Variants in CPNE4 observed in about 807,000 individuals in gnomAD.
CPNE4 encodes copine-4.
CPNE4 carries 25 observed loss-of-function variants against 67.9 expected under a neutral mutation model. That is an observed-to-expected ratio of 0.37 (90% CI 0.27 to 0.51). The LOEUF (loss-of-function observed/expected upper bound fraction) is 0.51. Ranked by LOEUF, CPNE4 falls within the 20% of genes least tolerant of loss-of-function variation. The probability of loss-of-function intolerance (pLI) is 0.93; values close to 1 mark genes in which losing one functional copy is unlikely to be tolerated. For missense variants in CPNE4, 464 were observed against 690.8 expected, an observed-to-expected ratio of 0.67 and a Z score of 3.68; for synonymous variants, 242 against 244.9, an observed-to-expected ratio of 0.99 and a Z score of 0.11.
Position 132,018,174 on chromosome 3 carries a change from A to T in CPNE4, c.-2+16393T>A, listed in dbSNP as rs1009601789. ...TTAATGTATATATTTTTAAAAAAGA[A>T]TTTTGCCACATAGAAGACATCTATT... On this transcript the variant is annotated intron_variant, in intron 1 of 15. Transcript: ENST00000429747. Among the ~76,000 whole-genome samples the T allele has an allele frequency of 3.6e-5, 5 of 137,418 alleles. No individual in the cohort carries two copies. The East Asian group carries it at 1.0e-3, about 28-fold the overall frequency. The allele number at this position is 137,418 out of a possible 152,430, so 90.2% of individuals were successfully genotyped here.
chr3:131,912,314 C>A (rs2089008737), intron 1 of CPNE4, among the ~76,000 whole-genome samples: 1 of 152,130 alleles, frequency 6.6e-6, no homozygotes. Context: ...CAATAGAGAA[C>A]TCAAGAGGGA....
At chr3:131,974,472 ACT>A (rs1227928115) in intron 1 of CPNE4, among the ~76,000 whole-genome samples, 3 of 152,076 alleles carry the variant, frequency 2.0e-5, no homozygotes, top group Non-Finnish European at 4.4e-5. Flanking sequence ...AGCTTAAATG[ACT>A]CTAACAGATG....
intron 2 of CPNE4, among the ~76,000 whole-genome samples, chr3:131,854,278 A>G (rs907630383): frequency 6.6e-6 from 1 of 151,946 alleles, no homozygotes; most frequent in African/African-American, 2.4e-5. Context: ...CAAACAAAAA[A>G]GAGTACATTT....
At chr3:131,646,945 T>C (rs148519067) in intron 7 of CPNE4, among the ~76,000 whole-genome samples, 1 of 152,282 alleles carries the variant, frequency 6.6e-6, no homozygotes, top group East Asian at 1.9e-4. Flanking sequence ...TACTCACAGA[T>C]GGTACCATTC....
intron 10 of CPNE4, among the ~76,000 whole-genome samples, chr3:131,567,566 G>A (rs1937123128): frequency 6.6e-6 from 1 of 151,922 alleles, no homozygotes; most frequent in African/African-American, 2.4e-5. Context: ...TACGTCTCTT[G>A]CTTTACCTCC....
intron 1 of CPNE4, among the ~76,000 whole-genome samples, chr3:131,930,212 C>A (rs565769590): frequency 5.5e-4 from 83 of 152,130 alleles, no homozygotes; most frequent in Non-Finnish European, 4.9e-4. Context: ...AGATGGCACA[C>A]CGAAATTAGG....
At chr3:131,956,567 TATC>T (rs150885812) in intron 1 of CPNE4, among the ~76,000 whole-genome samples, 8,003 of 151,992 alleles carry the variant, frequency 0.053, 418 homozygotes, top group African/African-American at 0.13. Flanking sequence ...AAGCTGAAAT[TATC>T]ATAAATGTAT....
rs141562631 is a variant in CPNE4, at chr3:131,588,714, C to T, written c.682-1132G>A. Among the ~76,000 whole-genome samples the T allele has an allele frequency of 9.4e-4, 143 of 152,246 alleles. No homozygotes were observed. The South Asian group carries it at 0.017, about 18-fold the overall frequency. On this transcript the variant is annotated intron_variant, in intron 7 of 15. Transcript: ENST00000429747. ...TTTCTGTCACAGTGAATTGCATCAA[C>T]ACTCATTCAGTTACTACAAACAGAA...
Position 132,032,515 on chromosome 3 carries a change from T to A in CPNE4, c.-2+2052A>T, listed in dbSNP as rs150258580. On this transcript the variant is annotated intron_variant, in intron 1 of 15. Coordinates refer to ENST00000429747, the MANE Select transcript of CPNE4 (RefSeq NM_130808.3). Reference sequence around the variant, plus strand: ...AAAGTCACCTCATTCTGATGTGTTTTGAGTTTGATCCTCTAAAACCATAAG... The same window carrying A: ...AAAGTCACCTCATTCTGATGTGTTTAGAGTTTGATCCTCTAAAACCATAAG... Among the ~76,000 whole-genome samples, 14 of 152,394 alleles carry A rather than the reference T, an allele frequency of 9.2e-5. No individual in the cohort carries two copies. The East Asian group carries it at 2.7e-3, about 29-fold the overall frequency.
intron 2 of CPNE4, among the ~76,000 whole-genome samples, chr3:131,830,134 T>G (rs757022184): frequency 6.6e-6 from 1 of 152,200 alleles, no homozygotes; most frequent in African/African-American, 2.4e-5. Context: ...AATTTATCCC[T>G]GTGCTACAGT....
intron 6 of CPNE4, among the ~76,000 whole-genome samples, chr3:131,680,736 T>C (rs1421945756): frequency 6.6e-6 from 1 of 152,172 alleles, no homozygotes; most frequent in African/African-American, 2.4e-5. Flanking sequence ...GTAAGTTCTT[T>C]AGTGGTGATT....
At chr3:132,012,172 C>T (rs867119633) in intron 1 of CPNE4, among the ~76,000 whole-genome samples, 99 of 85,666 alleles carry the variant, frequency 1.2e-3, no homozygotes, top group Middle Eastern at 0.019. Flanking sequence ...TTTGCTTTTT[C>T]GTTTTTTTTT....
intron 7 of CPNE4, among the ~76,000 whole-genome samples, chr3:131,650,254 A>G (rs564178038): frequency 2.0e-5 from 3 of 152,218 alleles, no homozygotes; most frequent in Non-Finnish European, 4.4e-5. Flanking sequence ...AATAATCACA[A>G]GAAAGATATC....
chr3:131,801,448 G>A lies in CPNE4; in HGVS notation c.181-77823C>T, dbSNP rs958581168. Among the ~76,000 whole-genome samples the A allele has an allele frequency of 7.0e-3, 420 of 59,680 alleles. 3 individuals are homozygous for A. Among genetic ancestry groups the A allele is most frequent in the African/African-American group, 0.03 (401 of 13,528 alleles). 39.2% of individuals were successfully genotyped at this position (59,680 alleles called of 152,430 possible). Reference sequence around the variant, plus strand: ...TGTGTGTGTGTGTGTGTGTGTGTGTGTGTGTATATATATATATATATATAT... The same window carrying A: ...TGTGTGTGTGTGTGTGTGTGTGTGTATGTGTATATATATATATATATATAT... On this transcript the variant is annotated intron_variant, in intron 2 of 15. Coordinates refer to ENST00000429747, the MANE Select transcript of CPNE4 (RefSeq NM_130808.3).
chr3:131,841,487 T>G (rs557202727), intron 2 of CPNE4, among the ~76,000 whole-genome samples: 12 of 152,266 alleles, frequency 7.9e-5, no homozygotes, highest in Admixed American at 7.2e-4. Context: ...GTCAAATCAG[T>G]GGCGGCATTA....
chr3:131,564,163 G>A (rs6439305), intron 11 of CPNE4, 53 bp downstream of exon 11: 72,419 of 1,607,526 alleles, frequency 0.045, 4,605 homozygotes, highest in African/African-American at 0.31. Flanking sequence ...GCCAAAGACC[G>A]TCTGAACCCA....
chr3:131,908,171 G>A (rs771261203), intron 1 of CPNE4, among the ~76,000 whole-genome samples: 2 of 152,084 alleles, frequency 1.3e-5, no homozygotes, highest in East Asian at 1.9e-4. Flanking sequence ...TTCAACCTCC[G>A]TACAGAGTCA....
At chr3:131,933,370 C>G (rs560296331) in intron 1 of CPNE4, among the ~76,000 whole-genome samples, 1 of 152,186 alleles carries the variant, frequency 6.6e-6, no homozygotes, top group East Asian at 1.9e-4. Flanking sequence ...ATTTGAGAGG[C>G]TTCGTGAAAA....
chr3:131,628,781 T>C (rs1298849231), intron 7 of CPNE4, among the ~76,000 whole-genome samples: 1 of 152,246 alleles, frequency 6.6e-6, no homozygotes, highest in Non-Finnish European at 1.5e-5. Context: ...ATTTGATTCT[T>C]CTCTCTTTTC....
Sources: gnomAD v4.1 joint callset for allele counts (sites outside exome capture counted in the v4.1 genomes callset) on GRCh38, gnomAD v4.1.1 for gene constraint, MANE v1.5 for transcripts, NCBI Gene and HGNC (gene_info 2026-07-23, HGNC 2026-07-21) for gene names.